C12orf42: variants seen among roughly 807,000 people sequenced by gnomAD.
The protein encoded by C12orf42 is chromosome 12 open reading frame 42, also known as uncharacterized protein C12orf42.
C12orf42 carries 25 observed loss-of-function variants against 21.6 expected under a neutral mutation model. The ratio of observed to expected loss-of-function variants is 1.16; its 90% CI spans 0.84 to 1.62. The LOEUF is 1.62. Among genes scored for constraint, C12orf42 ranks in the 40% most tolerant of loss-of-function variants. C12orf42 has a pLI of 0.00. For synonymous variants in C12orf42, 174 were observed against 175.0 expected (o/e 0.99, Z 0.05); for missense variants, 483 against 459.3 (o/e 1.05, Z -0.47).
chr12:103,317,943 T>A (rs894072077), intron 4 of C12orf42, among the ~76,000 whole-genome samples: 3 of 152,210 alleles, frequency 2.0e-5, no homozygotes, highest in Admixed American at 6.5e-5. Context: ...ATCCACAATG[T>A]ATTTGTCCAT....
chr12:103,254,556 T>C (rs1860259901), intron 10 of C12orf42, among the ~76,000 whole-genome samples: 1 of 152,120 alleles, frequency 6.6e-6, no homozygotes, highest in African/African-American at 2.4e-5. Context: ...AGGAATAAGA[T>C]AGCACATCTA....
At chr12:103,519,078 A>AGTGAG in the C12orf42 span, among the ~76,000 whole-genome samples, 1 of 152,094 alleles carries the variant, frequency 6.6e-6, no homozygotes, top group Non-Finnish European at 1.5e-5. Flanking sequence ...GTGAGTTCTT[A>AGTGAG]TGAGATCTGA....
intron 3 of C12orf42, among the ~76,000 whole-genome samples, chr12:103,370,561 G>A (rs534251387): frequency 5.9e-5 from 9 of 152,178 alleles, no homozygotes; most frequent in Admixed American, 5.9e-4. Flanking sequence ...AAAAAAGAAT[G>A]AGATCATGTT....
At chr12:103,095,585 C>G in the C12orf42 span, among the ~76,000 whole-genome samples, 1 of 152,176 alleles carries the variant, frequency 6.6e-6, no homozygotes, top group Admixed American at 6.5e-5. Flanking sequence ...CCCTTCATTC[C>G]CTACAATGCA....
At chr12:103,094,623 A>G in the C12orf42 span, among the ~76,000 whole-genome samples, 1 of 152,146 alleles carries the variant, frequency 6.6e-6, no homozygotes, top group Admixed American at 6.5e-5. Context: ...TAAATACGTT[A>G]TATGTACATG....
rs1345888648 is a variant in C12orf42, at chr12:103,495,898, C to G, written c.-22+4G>C. 2.0e-5 allele frequency: 3 copies of G among 152,336 alleles called. No individual in the cohort carries two copies. The highest frequency in any genetic ancestry group is 4.4e-5 in the Non-Finnish European group (3 of 68,138). The allele number at this position is 152,336 out of a possible 1,614,324, so 9.4% of individuals were successfully genotyped here. A position where few individuals can be genotyped will look rare whatever the true frequency, so the allele number is the denominator to read the frequency against. On this transcript the variant is annotated splice_donor_region_variant and intron_variant, in intron 1 of 5. Coordinates refer to ENST00000548883, the MANE Select transcript of C12orf42 (RefSeq NM_198521.5). ...GGGGCGAGTCCCGCGCTCCCTGCGTCTACCTGGAGCTGCAGGGTCCCTATC... is the reference window on the plus strand; with the variant it reads ...GGGGCGAGTCCCGCGCTCCCTGCGTGTACCTGGAGCTGCAGGGTCCCTATC...
the C12orf42 span, among the ~76,000 whole-genome samples, chr12:103,131,751 G>T: frequency 6.6e-6 from 1 of 152,170 alleles, no homozygotes; most frequent in Non-Finnish European, 1.5e-5. Context: ...CAGTAATATT[G>T]TTCTTGATGG....
intron 4 of C12orf42, among the ~76,000 whole-genome samples, chr12:103,364,889 A>C (rs2044459960): frequency 6.6e-6 from 1 of 152,094 alleles, no homozygotes; most frequent in South Asian, 2.1e-4. Flanking sequence ...TTCACAGTTG[A>C]ATTCTAGCAG....
At chr12:103,113,223 C>T in the C12orf42 span, among the ~76,000 whole-genome samples, 11 of 152,052 alleles carry the variant, frequency 7.2e-5, no homozygotes, top group East Asian at 5.8e-4. Flanking sequence ...TTCTATTGTC[C>T]CTAAACTAAA....
At chr12:103,350,419 G>C (rs1277293290) in intron 4 of C12orf42, among the ~76,000 whole-genome samples, 1 of 152,156 alleles carries the variant, frequency 6.6e-6, no homozygotes, top group African/African-American at 2.4e-5. Flanking sequence ...CGCAGTGCTT[G>C]TGTTCAAGTA....
intron 2 of C12orf42, among the ~76,000 whole-genome samples, chr12:103,419,828 T>C (rs183874940): frequency 6.6e-6 from 1 of 152,284 alleles, no homozygotes; most frequent in East Asian, 1.9e-4. Flanking sequence ...ACCCTGATAT[T>C]ATTTGCCTCC....
the C12orf42 span, among the ~76,000 whole-genome samples, chr12:103,057,432 A>G: frequency 1.3e-5 from 2 of 152,006 alleles, no homozygotes; most frequent in African/African-American, 4.8e-5. Flanking sequence ...ACTCCCACTT[A>G]TGAGTGAAAA....
At chr12:103,223,422 A>G in the C12orf42 span, among the ~76,000 whole-genome samples, 2 of 152,180 alleles carry the variant, frequency 1.3e-5, no homozygotes, top group Non-Finnish European at 2.9e-5. Context: ...TAACAGAAGG[A>G]GAAAAACAGG....
intron 2 of C12orf42, among the ~76,000 whole-genome samples, chr12:103,424,569 G>A (rs966029460): frequency 6.6e-6 from 1 of 152,184 alleles, no homozygotes; most frequent in Non-Finnish European, 1.5e-5. Context: ...GAAGTGCAAG[G>A]GGTCAGGGAA....
At chr12:103,530,602 AG>A in the C12orf42 span, among the ~76,000 whole-genome samples, 2 of 151,244 alleles carry the variant, frequency 1.3e-5, no homozygotes, top group African/African-American at 4.8e-5. Context: ...AGGAACTGGA[AG>A]GGCCTGTCTC....
chr12:103,185,079 TA>T, the C12orf42 span, among the ~76,000 whole-genome samples: 4 of 152,210 alleles, frequency 2.6e-5, no homozygotes, highest in African/African-American at 9.6e-5. Flanking sequence ...ATGGTAGCCC[TA>T]AAAAAACTAA....
At chr12:103,208,834 A>T in the C12orf42 span, among the ~76,000 whole-genome samples, 1 of 152,162 alleles carries the variant, frequency 6.6e-6, no homozygotes, top group African/African-American at 2.4e-5. Context: ...ATTCTGTGTG[A>T]TGTAAAATGA....
intron 2 of C12orf42, among the ~76,000 whole-genome samples, chr12:103,435,280 A>G (rs1442433452): frequency 2.6e-5 from 4 of 152,340 alleles, no homozygotes; most frequent in African/African-American, 9.6e-5. Flanking sequence ...CCAAAAGTAG[A>G]TAAAACCACA....
intron 2 of C12orf42, among the ~76,000 whole-genome samples, chr12:103,442,766 A>G (rs1951333436): frequency 6.6e-6 from 1 of 152,188 alleles, no homozygotes; most frequent in African/African-American, 2.4e-5. Flanking sequence ...TGTATCATAC[A>G]TAGATCTTTT....
Sources: gnomAD v4.1 joint callset for allele counts (sites outside exome capture counted in the v4.1 genomes callset) on GRCh38, gnomAD v4.1.1 for gene constraint, MANE v1.5 for transcripts, NCBI Gene and HGNC (gene_info 2026-07-23, HGNC 2026-07-21) for gene names.